The following PCDHGB5 variants were observed in gnomAD, a reference collection of about 807,000 sequenced individuals.
PCDHGB5 encodes protocadherin gamma subfamily B, 5, also known as protocadherin gamma-B5.
Under a neutral mutation model 62.9 loss-of-function variants are expected in PCDHGB5, and 48 were observed. The ratio of observed to expected loss-of-function variants is 0.76; its 90% CI spans 0.61 to 0.97. The LOEUF (loss-of-function observed/expected upper bound fraction) is 0.97, where lower values mean the gene tolerates loss of function less well. Among genes scored for constraint, PCDHGB5 ranks in the 50% least tolerant of loss-of-function variants. The pLI, the probability that PCDHGB5 is intolerant of heterozygous loss-of-function variation, is 0.00. For synonymous variants in PCDHGB5, 474 were observed against 511.2 expected, an observed-to-expected ratio of 0.93 and a Z score of 0.98; for missense variants, 1,118 against 1,198.6, an observed-to-expected ratio of 0.93 and a Z score of 0.99.
intron 1 of PCDHGB5, among the ~76,000 whole-genome samples, chr5:141,437,426 C>T (rs531265278): frequency 6.6e-6 from 1 of 152,268 alleles, no homozygotes; most frequent in South Asian, 2.1e-4. Flanking sequence ...CTTTTTGAAG[C>T]AGCAATAGCA....
At chr5:141,403,895 T>G in intron 1 of PCDHGB5, 1 of 1,613,884 alleles carries the variant, frequency 6.2e-7, no homozygotes, top group Non-Finnish European at 8.5e-7. Context: ...ATGTTCATTT[T>G]ATGAAATGGA....
chr5:141,510,510 G>C (rs1042950478), intron 3 of PCDHGB5, among the ~76,000 whole-genome samples: 1 of 152,132 alleles, frequency 6.6e-6, no homozygotes, highest in Non-Finnish European at 1.5e-5. Context: ...CTGAGAGCCC[G>C]TGTCACAGCC....
In PCDHGB5 at chr5:141,491,803, C is replaced by T. The variant is rs2099730932; in HGVS notation, c.2398-3004C>T. ...CTTGCATCCACTCCTCTCCGGCCGG[C>T]TTGGTCGCTGGCTGCGCTCCACCCG... On this transcript the variant is annotated intron_variant, in intron 1 of 3. Transcript: ENST00000617380. This position sits in a 1 kb window ranked among gnomAD's most constrained non-coding sequence, Gnocchi z 6.9. 1 of 1,497,820 alleles carries T rather than the reference C, an allele frequency of 6.7e-7. No individual in the cohort carries two copies. Among genetic ancestry groups the T allele is most frequent in the Non-Finnish European group, 8.9e-7 (1 of 1,124,124 alleles). 92.8% of individuals were successfully genotyped at this position (1,497,820 alleles called of 1,614,324 possible).
chr5:141,458,059 T>A (rs533147047), intron 1 of PCDHGB5, among the ~76,000 whole-genome samples: 1 of 152,238 alleles, frequency 6.6e-6, no homozygotes, highest in Admixed American at 6.5e-5. Flanking sequence ...CTTGCTGCAC[T>A]GATGCGAACA....
chr5:141,475,980 C>G (rs758066578), intron 1 of PCDHGB5: 3 of 1,028,500 alleles, frequency 2.9e-6, no homozygotes, highest in Admixed American at 2.4e-5. Context: ...ACTGAACAGC[C>G]GGCGAGCAAA....
intron 1 of PCDHGB5, among the ~76,000 whole-genome samples, chr5:141,448,796 T>G (rs1268643310): frequency 1.0e-4 from 15 of 150,106 alleles, no homozygotes; most frequent in Admixed American, 4.0e-4. Context: ...AAAAAAAAAA[T>G]TAGCCAGGCG....
At chr5:141,464,008 G>A (rs1484928987) in intron 1 of PCDHGB5, among the ~76,000 whole-genome samples, 6 of 151,674 alleles carry the variant, frequency 4.0e-5, no homozygotes, top group Non-Finnish European at 7.4e-5. Flanking sequence ...GCTCATGCTT[G>A]TAATCCCACA....
chr5:141,512,262 C>G lies in PCDHGB5; in HGVS notation c.*1089C>G, dbSNP rs925517361. On this transcript the variant is annotated 3_prime_UTR_variant, in exon 4 of 4. Transcript: ENST00000617380. ...GAGGGGCCTCTGTGGGTGCTGGGTA[C>G]TCCAGAGGTGCCACTGGTGGAAGGG... 1 of 152,712 alleles carries G rather than the reference C, an allele frequency of 6.5e-6. No homozygotes were observed. The highest frequency in any genetic ancestry group is 2.4e-5 in the African/African-American group (1 of 41,452). 9.5% of individuals were successfully genotyped at this position (152,712 alleles called of 1,614,324 possible).
At chr5:141,410,487 A>G in intron 1 of PCDHGB5, 1 of 1,613,970 alleles carries the variant, frequency 6.2e-7, no homozygotes, top group Non-Finnish European at 8.5e-7. Context: ...ACGGGTACAA[A>G]AGAGTTTAAT....
chr5:141,421,163 G>C, intron 1 of PCDHGB5: 2 of 1,276,926 alleles, frequency 1.6e-6, no homozygotes, highest in Non-Finnish European at 2.1e-6. Flanking sequence ...GGACTTCATA[G>C]ATACATAAGC....
chr5:141,489,148 C>G lies in PCDHGB5; in HGVS notation c.2398-5659C>G. 1 of 895,318 alleles carries G rather than the reference C, an allele frequency of 1.1e-6. No individual in the cohort carries two copies. Among genetic ancestry groups the G allele is most frequent in the Non-Finnish European group, 1.7e-6 (1 of 589,254 alleles). The allele number at this position is 895,318 out of a possible 1,614,324, so 55.5% of individuals were successfully genotyped here. A position where few individuals can be genotyped will look rare whatever the true frequency, so the allele number is the denominator to read the frequency against. ...CAGTTTTTAAGAGGCTGGAAGGAGA[C>G]ATAAGAGACTTCAGCTGCTGCATTC... On this transcript the variant is annotated intron_variant, in intron 1 of 3. Transcript: ENST00000617380. This position sits in a 1 kb window ranked among gnomAD's most constrained non-coding sequence, Gnocchi z 4.5.
Position 141,490,520 on chromosome 5 carries a change from G to A in PCDHGB5, c.2398-4287G>A. 1 of 1,614,072 alleles carries A rather than the reference G, an allele frequency of 6.2e-7. No individual in the cohort carries two copies. Among genetic ancestry groups the A allele is most frequent in the Non-Finnish European group, 8.5e-7 (1 of 1,180,014 alleles). ...CACTATATCATCGAGCTGCTGGCCAGCGATGCTGGTTCACCTTCCCTACAC... is the reference window on the plus strand; with the variant it reads ...CACTATATCATCGAGCTGCTGGCCAACGATGCTGGTTCACCTTCCCTACAC... On this transcript the variant is annotated intron_variant, in intron 1 of 3. Coordinates refer to ENST00000617380, the MANE Select transcript of PCDHGB5 (RefSeq NM_018925.3). The surrounding 1 kb of genome is among the most constrained non-coding windows in gnomAD (Gnocchi z 5.4).
At chr5:141,413,806 A>G (rs775797735) in intron 1 of PCDHGB5, 1 of 1,613,168 alleles carries the variant, frequency 6.2e-7, no homozygotes, top group Non-Finnish European at 8.5e-7. Context: ...GGAAGAGGCC[A>G]TTCACCACCT....
chr5:141,482,135 G>T (rs987110875), intron 1 of PCDHGB5, among the ~76,000 whole-genome samples: 1 of 151,836 alleles, frequency 6.6e-6, no homozygotes, highest in African/African-American at 2.4e-5. Context: ...CATATGGCTG[G>T]CATAAAAAGG....
intron 1 of PCDHGB5, chr5:141,410,849 C>CTTTTGTTTTTTTTTTTTTTTTTT (rs2095432564): frequency 7.7e-6 from 1 of 129,786 alleles, no homozygotes; most frequent in Non-Finnish European, 1.3e-5. Flanking sequence ...TTGTCTTTGT[C>CTTTTGTTTTTTTTTTTTTTTTTT]TTTTTTTTTT....
chr5:141,474,083 A>G (rs771906750), intron 1 of PCDHGB5, among the ~76,000 whole-genome samples: 2 of 152,190 alleles, frequency 1.3e-5, no homozygotes, highest in African/African-American at 2.4e-5. Flanking sequence ...AACAAAAACC[A>G]AAAAACAAAC....
chr5:141,419,368 C>T, intron 1 of PCDHGB5: 1 of 1,613,776 alleles, frequency 6.2e-7, no homozygotes, highest in Non-Finnish European at 8.5e-7. Context: ...CGCTGTCGTC[C>T]TACGTGTCCG....
At chr5:141,481,913 C>CAAA (rs34114744) in intron 1 of PCDHGB5, among the ~76,000 whole-genome samples, 3 of 90,796 alleles carry the variant, frequency 3.3e-5, no homozygotes, top group Non-Finnish European at 4.4e-5. Flanking sequence ...AACTCCATCT[C>CAAA]AAAAAAAAAA....
chr5:141,419,604 C>T (rs1279434352), intron 1 of PCDHGB5: 1 of 1,611,850 alleles, frequency 6.2e-7, no homozygotes, highest in East Asian at 2.2e-5. Flanking sequence ...CCGCGGGCCG[C>T]GCAGCCAGGC....
Sources: allele counts gnomAD v4.1 joint callset (sites outside exome capture counted in the v4.1 genomes callset), GRCh38; gene constraint gnomAD v4.1.1; non-coding constraint Gnocchi (gnomAD v3.1); transcripts MANE v1.5; gene names NCBI Gene and HGNC (gene_info 2026-07-23, HGNC 2026-07-21).